The following KCNH5 variants were observed in gnomAD, a reference collection of about 807,000 sequenced individuals.
KCNH5 encodes the protein voltage-gated delayed rectifier potassium channel KCNH5.
In KCNH5, 46 loss-of-function variants were observed where a neutral mutation model predicts 96.1. The observed-to-expected ratio is 0.48, with a 90% CI of 0.38 to 0.61. The LOEUF is 0.61. Among genes scored for constraint, KCNH5 ranks in the 20% least tolerant of loss-of-function variants. The probability of loss-of-function intolerance (pLI) is 0.00; values close to 1 mark genes in which losing one functional copy is unlikely to be tolerated. For synonymous variants in KCNH5, 439 were observed against 449.8 expected, an observed-to-expected ratio of 0.98 and a Z score of 0.30; for missense variants, 907 against 1,225.8, an observed-to-expected ratio of 0.74 and a Z score of 3.88.
At chr14:63,018,565 A>G (rs553053158) in intron 1 of KCNH5, among the ~76,000 whole-genome samples, 7 of 152,182 alleles carry the variant, frequency 4.6e-5, no homozygotes, top group African/African-American at 1.4e-4. Context: ...CAAGCCTTCC[A>G]TCTAAACAGA....
intron 6 of KCNH5, among the ~76,000 whole-genome samples, chr14:62,960,631 A>C (rs1205487198): frequency 1.3e-5 from 2 of 152,162 alleles, no homozygotes; most frequent in Non-Finnish European, 2.9e-5. Flanking sequence ...GAATGATTAC[A>C]TAGTCCATTT....
Position 62,950,470 on chromosome 14 carries a change from A to G in KCNH5, c.1032T>C (p.Tyr344=), listed in dbSNP as rs371163377. ...CCAGGAGCACGAGGACTGCTGCTCC[A>G]TATTCTAGGTAATGGTCCAGTTTCC... ...VARKLDHYLE[Y]GAAVLVLLVC... Residue 344 remains tyrosine (Y), a synonymous_variant, in exon 7 of 11, where the codon TAT becomes TAC. Coordinates refer to ENST00000322893, the MANE Select transcript of KCNH5 (RefSeq NM_139318.5). 36 of 1,613,288 alleles carry G rather than the reference A, an allele frequency of 2.2e-5. No individual in the cohort carries two copies. Among genetic ancestry groups the G allele is most frequent in the Non-Finnish European group, 2.9e-5 (34 of 1,179,946 alleles).
At chr14:62,932,930 A>T (rs190897481) in intron 7 of KCNH5, among the ~76,000 whole-genome samples, 1 of 152,306 alleles carries the variant, frequency 6.6e-6, no homozygotes, top group Non-Finnish European at 1.5e-5. Flanking sequence ...TAAAACACGC[A>T]TAATCTCAAA....
chr14:62,995,850 T>C (rs982010343), intron 4 of KCNH5, among the ~76,000 whole-genome samples: 1 of 152,104 alleles, frequency 6.6e-6, no homozygotes, highest in Non-Finnish European at 1.5e-5. Context: ...AGAGACTTTG[T>C]ATCTCCAGGA....
intron 7 of KCNH5, among the ~76,000 whole-genome samples, chr14:62,882,436 T>C (rs921627079): frequency 6.6e-6 from 1 of 152,314 alleles, no homozygotes; most frequent in South Asian, 2.1e-4. Context: ...CATGGGACTT[T>C]AGCCAAGTCT....
intron 7 of KCNH5, among the ~76,000 whole-genome samples, chr14:62,892,016 G>A (rs1365685703): frequency 2.6e-5 from 4 of 152,096 alleles, no homozygotes; most frequent in African/African-American, 9.7e-5. Context: ...CTCTACAATG[G>A]TCTTTAAGTG....
intron 2 of KCNH5, among the ~76,000 whole-genome samples, chr14:63,012,379 A>C (rs1891245488): frequency 6.6e-6 from 1 of 152,218 alleles, no homozygotes; most frequent in Non-Finnish European, 1.5e-5. Context: ...TACCTAGCAC[A>C]CATCAGATAT....
intron 7 of KCNH5, among the ~76,000 whole-genome samples, chr14:62,896,023 C>G (rs1432028772): frequency 6.6e-6 from 1 of 152,076 alleles, no homozygotes; most frequent in Non-Finnish European, 1.5e-5. Flanking sequence ...ATAAGCTTTC[C>G]CAGTAGGCAA....
At chr14:62,940,970 C>A (rs75067815) in intron 7 of KCNH5, among the ~76,000 whole-genome samples, 1 of 152,002 alleles carries the variant, frequency 6.6e-6, no homozygotes, top group Non-Finnish European at 1.5e-5. Context: ...ACAGATGAGA[C>A]GAGGATGAAG....
intron 10 of KCNH5, among the ~76,000 whole-genome samples, chr14:62,758,711 T>C (rs1251789549): frequency 6.6e-6 from 1 of 152,188 alleles, no homozygotes; most frequent in East Asian, 1.9e-4. Flanking sequence ...TGCATGGGGA[T>C]ATGTCATCTG....
chr14:63,030,826 A>T (rs1891611177), intron 1 of KCNH5, among the ~76,000 whole-genome samples: 1 of 152,032 alleles, frequency 6.6e-6, no homozygotes, highest in African/African-American at 2.4e-5. Flanking sequence ...CTCTGAACTG[A>T]CTCCCTCAGA....
chr14:63,003,504 T>A lies in KCNH5; in HGVS notation c.305-2045A>T, dbSNP rs1315207017. 2.4e-4 allele frequency among the ~76,000 whole-genome samples: 29 copies of A among 123,300 alleles called. 1 individual carries two copies. Among genetic ancestry groups the A allele is most frequent in the South Asian group, 4.6e-4 (2 of 4,306 alleles). The allele number at this position is 123,300 out of a possible 152,430, so 80.9% of individuals were successfully genotyped here. On this transcript the variant is annotated intron_variant, in intron 3 of 10. Transcript: ENST00000322893. ...TATTTTATATATATTATATATATAT[T>A]TTATATATATTTTATATATTTTATA...
chr14:62,899,520 C>A (rs1171307594), intron 7 of KCNH5, among the ~76,000 whole-genome samples: 1 of 151,992 alleles, frequency 6.6e-6, no homozygotes, highest in Non-Finnish European at 1.5e-5. Flanking sequence ...GACTTTTTAC[C>A]CCATAAATCT....
chr14:62,811,874 G>A lies in KCNH5; in HGVS notation c.1570-9293C>T, dbSNP rs146143053. ...GATGATTATTAAGCACTGGTTACGT[G>A]TTAGTTATGTGCCTGGTACTATACA... On this transcript the variant is annotated intron_variant, in intron 8 of 10. Coordinates refer to ENST00000322893, the MANE Select transcript of KCNH5 (RefSeq NM_139318.5). Among the ~76,000 whole-genome samples the A allele has an allele frequency of 6.1e-3, 933 of 152,242 alleles. 3 individuals are homozygous for A. The highest frequency in any genetic ancestry group is 0.011 in the Non-Finnish European group (732 of 68,008).
At chr14:62,922,292 A>G (rs541414877) in intron 7 of KCNH5, among the ~76,000 whole-genome samples, 1 of 152,206 alleles carries the variant, frequency 6.6e-6, no homozygotes, top group Non-Finnish European at 1.5e-5. Flanking sequence ...ATCCATCTAC[A>G]TGCACAAAGA....
chr14:62,754,932 C>T (rs1885586969), intron 10 of KCNH5, among the ~76,000 whole-genome samples: 1 of 122,206 alleles, frequency 8.2e-6, no homozygotes, highest in South Asian at 3.6e-4. Flanking sequence ...GCTATACTTA[C>T]ACAAAATAGA....
rs368075106 is a variant in KCNH5 at position 63,013,283 on chromosome 14, C to T, written c.197+3548G>A. Among the ~76,000 whole-genome samples the T allele has an allele frequency of 4.3e-4, 65 of 152,140 alleles. 5 individuals are homozygous for T. In the South Asian group the frequency reaches 5.0e-3, roughly 12 times the overall value. The stretch of plus-strand genomic sequence containing the variant: ...CATTTACCTAGTTGCCACTTTAACC[C>T]TATAGACTTTAATTCATCTAATGCA... On this transcript the variant is annotated intron_variant, in intron 2 of 10. Transcript: ENST00000322893.
intron 5 of KCNH5, among the ~76,000 whole-genome samples, chr14:62,985,277 C>T: frequency 6.6e-6 from 1 of 152,106 alleles, no homozygotes; most frequent in East Asian, 1.9e-4. Context: ...TCATCTTTCC[C>T]CAAGCTAACA....
chr14:62,982,155 G>A (rs867300519), intron 5 of KCNH5, among the ~76,000 whole-genome samples: 9 of 151,966 alleles, frequency 5.9e-5, no homozygotes, highest in Non-Finnish European at 1.0e-4. Context: ...ATGGTGAAAC[G>A]CTGTCTCTAC....
Sources: allele counts gnomAD v4.1 joint callset (sites outside exome capture counted in the v4.1 genomes callset), GRCh38; gene constraint gnomAD v4.1.1; transcripts MANE v1.5; gene names NCBI Gene and HGNC (gene_info 2026-07-23, HGNC 2026-07-21).